HYDIN: variants seen among roughly 807,000 people sequenced by gnomAD.
The protein encoded by HYDIN is HYDIN axonemal central pair apparatus protein.
In HYDIN, 132 loss-of-function variants were observed where a neutral mutation model predicts 403.9. The observed-to-expected ratio is 0.33, with a 90% CI of 0.28 to 0.38. The LOEUF is 0.38. HYDIN is among the 10% of genes least tolerant of loss of function. The pLI, the probability that HYDIN is intolerant of heterozygous loss-of-function variation, is 1.00. For missense variants in HYDIN, 2,827 were observed against 5,009.5 expected (o/e 0.56, Z 13.15); for synonymous variants, 1,202 against 1,891.7 (o/e 0.64, Z 9.46).
chr16:71,002,021 C>A (rs1250930113), intron 23 of HYDIN, among the ~76,000 whole-genome samples: 2 of 152,194 alleles, frequency 1.3e-5, no homozygotes, highest in African/African-American at 4.8e-5. Flanking sequence ...GAAATACCTG[C>A]TCATTCTTCT....
chr16:71,161,502 T>G (rs1297276873), intron 6 of HYDIN, among the ~76,000 whole-genome samples: 1 of 152,146 alleles, frequency 6.6e-6, no homozygotes, highest in Admixed American at 6.5e-5. Context: ...AATCCAGCTC[T>G]ATCACTTACT....
chr16:70,834,190 G>C, intron 78 of HYDIN, 26 bp from the exon 79 acceptor site: 6 of 1,611,430 alleles, frequency 3.7e-6, no homozygotes, highest in Non-Finnish European at 5.1e-6. Context: ...CCCAGAGTCA[G>C]CAGCTGAGGG....
At chr16:70,825,298 G>A (rs1287472441) in intron 83 of HYDIN, among the ~76,000 whole-genome samples, 5 of 151,386 alleles carry the variant, frequency 3.3e-5, no homozygotes, top group Admixed American at 3.3e-4. Flanking sequence ...CTGAAACGTT[G>A]CTCTAATGTA....
Position 70,892,525 on chromosome 16 carries a change from A to C in HYDIN, c.9253T>G (p.Ser3085Ala), listed in dbSNP as rs1372454691. 1 of 1,603,124 alleles carries C rather than the reference A, an allele frequency of 6.2e-7. No individual in the cohort carries two copies. Reference sequence around the variant, plus strand: ...GTTGAAATCCCTACAGAGTCCACGGAAAAGCTGAAAGACAAGAATAAGAAG... The same window carrying C: ...GTTGAAATCCCTACAGAGTCCACGGCAAAGCTGAAAGACAAGAATAAGAAG... ...RGKYEIAFSF[S>A]VDSVGISTPN... The change falls in exon 56 of 86, where the codon TCC becomes GCC. Residue 3085 changes from serine to alanine, a missense_variant. Coordinates refer to ENST00000393567, the MANE Select transcript of HYDIN (RefSeq NM_001270974.2).
At chr16:70,996,771 G>T (rs1196695546) in intron 23 of HYDIN, among the ~76,000 whole-genome samples, 2 of 150,462 alleles carry the variant, frequency 1.3e-5, no homozygotes, top group African/African-American at 4.9e-5. Flanking sequence ...AAGAGTGGGG[G>T]AAACGTGCCT....
intron 56 of HYDIN, 60 bp downstream of exon 56, chr16:70,892,301 T>G: frequency 1.9e-6 from 3 of 1,553,028 alleles, no homozygotes; most frequent in Non-Finnish European, 2.6e-6. Flanking sequence ...TATCCTTCTT[T>G]GCAACAGGAG....
chr16:71,098,887 T>C (rs1177243974), intron 10 of HYDIN, among the ~76,000 whole-genome samples: 1 of 148,374 alleles, frequency 6.7e-6, no homozygotes, highest in East Asian at 2.0e-4. Context: ...TGCCCAGCCT[T>C]GAGTTTCTAA....
At chr16:70,882,117 G>GA (rs2040844800) in intron 60 of HYDIN, among the ~76,000 whole-genome samples, 1 of 152,262 alleles carries the variant, frequency 6.6e-6, no homozygotes, top group Admixed American at 6.5e-5. Context: ...GGACCTAGGG[G>GA]AAGGATTTAG....
At chr16:71,200,559 TA>T (rs1400604967) in intron 1 of HYDIN, among the ~76,000 whole-genome samples, 44 of 152,180 alleles carry the variant, frequency 2.9e-4, no homozygotes, top group African/African-American at 1.0e-3. Context: ...CAATTCCTGT[TA>T]CCTGAGATGG....
In HYDIN at chr16:71,169,938, T is replaced by C. The variant is rs181219217; in HGVS notation, c.516+5669A>G. ...AACCTCATGTTGAACACCACAAATA[T>C]ATACAATTTTTGTCAATTACAAATA... On this transcript the variant is annotated intron_variant, in intron 5 of 85. Coordinates refer to ENST00000393567, the MANE Select transcript of HYDIN (RefSeq NM_001270974.2). Among the ~76,000 whole-genome samples the C allele has an allele frequency of 7.2e-5, 11 of 152,310 alleles. No homozygotes were observed. In the East Asian group the frequency reaches 2.1e-3, roughly 29 times the overall value.
At chr16:71,065,668 C>T (rs910787749) in intron 15 of HYDIN, among the ~76,000 whole-genome samples, 8 of 152,120 alleles carry the variant, frequency 5.3e-5, no homozygotes, top group African/African-American at 1.9e-4. Flanking sequence ...TCCCATTTCT[C>T]TCATAGGTAA....
chr16:70,808,531 A>C (rs548644388), intron 85 of HYDIN, among the ~76,000 whole-genome samples: 1 of 152,222 alleles, frequency 6.6e-6, no homozygotes, highest in South Asian at 2.1e-4. Flanking sequence ...TGTACTGGAA[A>C]TATTTGAGAT....
chr16:71,208,115 C>T (rs1201930861), intron 1 of HYDIN, among the ~76,000 whole-genome samples: 1 of 152,140 alleles, frequency 6.6e-6, no homozygotes, highest in Non-Finnish European at 1.5e-5. Flanking sequence ...ACAGAATATA[C>T]ATTCTTTTCA....
chr16:71,170,831 G>A lies in HYDIN; in HGVS notation c.516+4776C>T, dbSNP rs111365650. On this transcript the variant is annotated intron_variant, in intron 5 of 85. Coordinates refer to ENST00000393567, the MANE Select transcript of HYDIN (RefSeq NM_001270974.2). ...ATATTTACAGATGAAATTACATGCT[G>A]TATGGGACTTGCTTCAAAATCTACT... Among the ~76,000 whole-genome samples the A allele has an allele frequency of 8.5e-3, 1,294 of 152,194 alleles. 18 individuals are homozygous for A. The highest frequency in any genetic ancestry group is 0.03 in the African/African-American group (1,231 of 41,518).
intron 62 of HYDIN, among the ~76,000 whole-genome samples, chr16:70,876,062 A>C (rs948287577): frequency 7.2e-5 from 11 of 152,072 alleles, no homozygotes; most frequent in African/African-American, 2.4e-4. Context: ...ATGAGGAGTA[A>C]ATAGACCAGG....
chr16:71,114,776 T>C (rs1433089826), intron 10 of HYDIN, among the ~76,000 whole-genome samples: 2 of 121,214 alleles, frequency 1.6e-5, no homozygotes, highest in African/African-American at 6.7e-5. Context: ...CATGTTTGTA[T>C]CTCCTTCCTC....
At chr16:71,026,240 A>G (rs2080694632) in intron 20 of HYDIN, among the ~76,000 whole-genome samples, 2 of 152,274 alleles carry the variant, frequency 1.3e-5, no homozygotes, top group African/African-American at 2.4e-5. Flanking sequence ...AAAATCATGC[A>G]TTAGGAATTA....
intron 67 of HYDIN, 25 bp from the exon 68 acceptor site, chr16:70,863,207 T>G (rs777938918): frequency 3.1e-6 from 5 of 1,606,808 alleles, no homozygotes; most frequent in Non-Finnish European, 4.2e-6. Flanking sequence ...GGGAGCAGAT[T>G]TGAGAAATGT....
At chr16:70,996,272 C>T (rs1323070319) in intron 23 of HYDIN, among the ~76,000 whole-genome samples, 7 of 152,234 alleles carry the variant, frequency 4.6e-5, no homozygotes, top group South Asian at 2.1e-4. Flanking sequence ...ACCACACTCT[C>T]GGGCTCTCCT....
Sources: gnomAD v4.1 joint callset for allele counts (sites outside exome capture counted in the v4.1 genomes callset) on GRCh38, gnomAD v4.1.1 for gene constraint, MANE v1.5 for transcripts, NCBI Gene and HGNC (gene_info 2026-07-23, HGNC 2026-07-21) for gene names.